Variants in SH3GL2 observed in about 807,000 individuals in gnomAD.
SH3GL2 encodes the protein endophilin-A1.
A neutral mutation model predicts 46.0 loss-of-function variants in SH3GL2; 24 were observed. That is an observed-to-expected ratio of 0.52 (90% confidence interval 0.38 to 0.73). SH3GL2 has a LOEUF of 0.73. SH3GL2 is among the 30% of genes least tolerant of loss of function. The pLI, the probability that SH3GL2 is intolerant of heterozygous loss-of-function variation, is 0.00. For missense variants in SH3GL2, 413 were observed against 424.2 expected (o/e 0.97, Z 0.23); for synonymous variants, 196 against 147.1 (o/e 1.33, Z -2.40).
chr9:17,589,348 A>G (rs530770680), intron 1 of SH3GL2: 1 of 151,710 alleles, frequency 6.6e-6, no homozygotes, highest in African/African-American at 2.4e-5. Flanking sequence ...TTTTTAATAT[A>G]TTTTTTATTT....
intron 1 of SH3GL2, among the ~76,000 whole-genome samples, chr9:17,655,451 C>A (rs1588209249): frequency 6.6e-6 from 1 of 152,124 alleles, no homozygotes; most frequent in East Asian, 1.9e-4. Flanking sequence ...ATAAAACACA[C>A]AACATGACTT....
At chr9:17,731,348 A>G (rs10963227) in intron 1 of SH3GL2, among the ~76,000 whole-genome samples, 44,749 of 150,970 alleles carry the variant, frequency 0.3, 8,015 homozygotes, top group African/African-American at 0.49. Context: ...GTGAGGGTAG[A>G]ACCCTGCTGA....
chr9:17,603,198 T>C (rs1207219047), intron 1 of SH3GL2, among the ~76,000 whole-genome samples: 1 of 152,254 alleles, frequency 6.6e-6, no homozygotes, highest in Admixed American at 6.5e-5. Flanking sequence ...TCAATTTGTC[T>C]TATTAAAAAG....
chr9:17,680,823 T>G (rs1800792766), intron 1 of SH3GL2, among the ~76,000 whole-genome samples: 1 of 152,198 alleles, frequency 6.6e-6, no homozygotes, highest in African/African-American at 2.4e-5. Context: ...GATTCTGGTA[T>G]GTTGTGTCTT....
intron 1 of SH3GL2, among the ~76,000 whole-genome samples, chr9:17,595,640 C>G (rs968243971): frequency 1.3e-5 from 2 of 152,070 alleles, no homozygotes; most frequent in Admixed American, 1.3e-4. Context: ...TGTAAACAAC[C>G]TCAATAAGGG....
intron 1 of SH3GL2, among the ~76,000 whole-genome samples, chr9:17,707,859 C>T (rs141453006): frequency 8.5e-5 from 13 of 152,070 alleles, no homozygotes; most frequent in Middle Eastern, 3.4e-3. Context: ...AAAAAGTAAC[C>T]TCACATGCAT....
rs1114791 is a variant in SH3GL2, at chr9:17,748,699, G to A, written c.114+1565G>A. ...GGTAGGATATAGACAAGGTTCCTGA[G>A]TGCATGAAGTTCGTAGTCTAGTGGG... On this transcript the variant is annotated intron_variant, in intron 2 of 8. Coordinates refer to ENST00000380607, the MANE Select transcript of SH3GL2 (RefSeq NM_003026.5). Among the ~76,000 whole-genome samples the A allele has an allele frequency of 2.5e-3, 376 of 152,246 alleles. 3 individuals are homozygous for A. Among genetic ancestry groups the A allele is most frequent in the African/African-American group, 8.7e-3 (363 of 41,530 alleles).
intron 1 of SH3GL2, among the ~76,000 whole-genome samples, chr9:17,623,805 T>C (rs999669854): frequency 1.4e-4 from 22 of 152,070 alleles, no homozygotes; most frequent in Non-Finnish European, 3.1e-4. Flanking sequence ...TTACTTCTAA[T>C]TACCTAAGTA....
chr9:17,789,712 A>G (rs1824068266), intron 6 of SH3GL2, 162 bp downstream of exon 6: 5 of 1,369,032 alleles, frequency 3.7e-6, no homozygotes, highest in South Asian at 1.7e-5. Context: ...CATAAAGTAG[A>G]CTGAGAAATA....
chr9:17,766,348 A>G lies in SH3GL2; in HGVS notation c.187+4839A>G, dbSNP rs560482019. On this transcript the variant is annotated intron_variant, in intron 3 of 8. Coordinates refer to ENST00000380607, the MANE Select transcript of SH3GL2 (RefSeq NM_003026.5). ...GTACACATTCCTAAAATGCTTAAATAAGATATAATTTGAATATAGAAAGTA... is the reference window on the plus strand; with the variant it reads ...GTACACATTCCTAAAATGCTTAAATGAGATATAATTTGAATATAGAAAGTA... Among the ~76,000 whole-genome samples the G allele has an allele frequency of 2.7e-4, 41 of 152,364 alleles. 1 individual carries two copies. The South Asian group carries it at 8.1e-3, about 30-fold the overall frequency.
intron 1 of SH3GL2, among the ~76,000 whole-genome samples, chr9:17,626,058 T>C (rs1044303968): frequency 4.6e-5 from 7 of 152,212 alleles, no homozygotes; most frequent in African/African-American, 1.7e-4. Flanking sequence ...ATGGACTGTC[T>C]TGTGAGGCTG....
chr9:17,791,396 A>C (rs1179095014), intron 7 of SH3GL2, 62 bp downstream of exon 7: 1 of 1,158,100 alleles, frequency 8.6e-7, no homozygotes, highest in East Asian at 2.4e-5. Context: ...ATGTATAAAG[A>C]AATGGAAATC....
chr9:17,747,761 G>T (rs561235962), intron 2 of SH3GL2, among the ~76,000 whole-genome samples: 1 of 152,012 alleles, frequency 6.6e-6, no homozygotes, highest in Non-Finnish European at 1.5e-5. Context: ...TGCAACCTCC[G>T]TCTCCTGGGT....
chr9:17,778,112 GA>G (rs1823695866), intron 3 of SH3GL2, among the ~76,000 whole-genome samples: 1 of 152,040 alleles, frequency 6.6e-6, no homozygotes, highest in African/African-American at 2.4e-5. Context: ...CCATTTTATT[GA>G]ATAGTTCCAT....
intron 3 of SH3GL2, among the ~76,000 whole-genome samples, chr9:17,776,288 G>A (rs1192223226): frequency 1.3e-5 from 2 of 152,076 alleles, no homozygotes; most frequent in Admixed American, 1.3e-4. Context: ...TTTAAAAAAA[G>A]CAGACATTAA....
rs577968490 is a variant in SH3GL2, at chr9:17,649,231, A to G, written c.45+69944A>G. 2.8e-3 allele frequency among the ~76,000 whole-genome samples: 425 copies of G among 152,248 alleles called. 3 individuals are homozygous for G. Among genetic ancestry groups the G allele is most frequent in the African/African-American group, 9.8e-3 (406 of 41,546 alleles). Reference sequence around the variant, plus strand: ...CAGGCATGTGCCACAACACCCAGCTAATTTTTTGTATTTTTAGTAGAGGCA... The same window carrying G: ...CAGGCATGTGCCACAACACCCAGCTGATTTTTTGTATTTTTAGTAGAGGCA... On this transcript the variant is annotated intron_variant, in intron 1 of 8. Coordinates refer to ENST00000380607, the MANE Select transcript of SH3GL2 (RefSeq NM_003026.5).
chr9:17,615,778 A>G (rs944111887), intron 1 of SH3GL2, among the ~76,000 whole-genome samples: 1 of 152,014 alleles, frequency 6.6e-6, no homozygotes, highest in Non-Finnish European at 1.5e-5. Context: ...CTTCATTAAC[A>G]TAATTCTGTA....
intron 2 of SH3GL2, among the ~76,000 whole-genome samples, chr9:17,754,545 C>T (rs143248648): frequency 0.013 from 2,043 of 152,064 alleles, 23 homozygotes; most frequent in Middle Eastern, 0.028. Flanking sequence ...TGGTGGCAGG[C>T]GCCTGTAGTC....
intron 1 of SH3GL2, among the ~76,000 whole-genome samples, chr9:17,693,581 CAT>C (rs1051856876): frequency 1.3e-5 from 2 of 150,404 alleles, no homozygotes; most frequent in Admixed American, 1.3e-4. Flanking sequence ...TACACACACA[CAT>C]ATAAAAAGAA....
Sources: gnomAD v4.1 joint callset for allele counts (sites outside exome capture counted in the v4.1 genomes callset) on GRCh38, gnomAD v4.1.1 for gene constraint, MANE v1.5 for transcripts, NCBI Gene and HGNC (gene_info 2026-07-23, HGNC 2026-07-21) for gene names.